The following ALPL variants were observed in gnomAD, a reference collection of about 807,000 sequenced individuals.
ALPL encodes alkaline phosphatase, biomineralization associated.
In ALPL, 42 loss-of-function variants were observed where a neutral mutation model predicts 51.3. That is an observed-to-expected ratio of 0.82 (90% CI 0.64 to 1.06). ALPL has a LOEUF of 1.06. Among genes scored for constraint, ALPL ranks in the 50% least tolerant of loss-of-function variants. The pLI is 0.00. For missense variants in ALPL, 589 were observed against 709.4 expected (o/e 0.83, Z 1.93); for synonymous variants, 279 against 296.4 (o/e 0.94, Z 0.60).
At chr1:21,576,115 G>A (rs983364989) in intron 10 of ALPL, among the ~76,000 whole-genome samples, 191 bp downstream of exon 10, 10 of 152,190 alleles carry the variant, frequency 6.6e-5, no homozygotes, top group African/African-American at 1.7e-4. Context: ...AGTGGTGGTC[G>A]GGTAGACAGG....
chr1:21,541,526 C>T (rs760658195), intron 1 of ALPL, among the ~76,000 whole-genome samples: 4 of 152,364 alleles, frequency 2.6e-5, no homozygotes, highest in Middle Eastern at 3.4e-3. Context: ...CGGCCTGTGC[C>T]GGCCTCTGCC....
At chr1:21,511,285 A>C (rs553491102) in intron 1 of ALPL, among the ~76,000 whole-genome samples, 2 of 152,364 alleles carry the variant, frequency 1.3e-5, no homozygotes, top group African/African-American at 2.4e-5. Context: ...TGGATTGGCC[A>C]ACCTTTGGCC....
At chr1:21,521,242 C>T (rs984974894) in intron 1 of ALPL, among the ~76,000 whole-genome samples, 7 of 151,826 alleles carry the variant, frequency 4.6e-5, no homozygotes, top group East Asian at 1.9e-4. Context: ...TGTAGTACAA[C>T]GGCGCGATCT....
chr1:21,576,981 T>C (rs774864481), intron 11 of ALPL, among the ~76,000 whole-genome samples: 10 of 152,190 alleles, frequency 6.6e-5, no homozygotes, highest in Non-Finnish European at 1.5e-4. Flanking sequence ...CAATATTTTA[T>C]ACTCATTTTT....
chr1:21,574,514 T>A (rs1420039622), intron 9 of ALPL: 1 of 147,542 alleles, frequency 6.8e-6, no homozygotes, highest in Non-Finnish European at 1.5e-5. Flanking sequence ...CATGTTGCCC[T>A]GCTAACATCG....
intron 7 of ALPL, among the ~76,000 whole-genome samples, chr1:21,569,679 A>C (rs1006351278): frequency 2.0e-5 from 3 of 152,130 alleles, no homozygotes; most frequent in Non-Finnish European, 2.9e-5. Flanking sequence ...AAGAGAAGGC[A>C]GGGGGTCTTC....
chr1:21,576,628 C>A lies in ALPL; in HGVS notation c.1296C>A (p.Ser432=), dbSNP rs1280807181. ...TGGGCGGTGAACGAGAGAATGTCTC[C>A]ATGGTGGACTATGGTGAGACCTCCA... ...KVVGGERENV[S]MVDYAHNNYQ... The change falls in exon 11 of 12, where the codon TCC becomes TCA. Residue 432 remains serine (S), a synonymous_variant. Coordinates refer to ENST00000374840, the MANE Select transcript of ALPL (RefSeq NM_000478.6). The A allele has an allele frequency of 6.2e-7, 1 of 1,613,682 alleles. No homozygotes were observed. Among genetic ancestry groups the A allele is most frequent in the Non-Finnish European group, 8.5e-7 (1 of 1,179,848 alleles).
intron 1 of ALPL, among the ~76,000 whole-genome samples, chr1:21,536,131 C>T (rs1379048554): frequency 6.6e-6 from 1 of 152,222 alleles, no homozygotes; most frequent in Non-Finnish European, 1.5e-5. Context: ...TGGACAACAA[C>T]CTGTCAGAAA....
chr1:21,541,275 C>T (rs1644180592), intron 1 of ALPL, among the ~76,000 whole-genome samples: 1 of 152,262 alleles, frequency 6.6e-6, no homozygotes, highest in Admixed American at 6.5e-5. Context: ...TACCACATCC[C>T]AGCCTCCGTT....
intron 1 of ALPL, among the ~76,000 whole-genome samples, chr1:21,524,766 C>T (rs1313791531): frequency 6.6e-6 from 1 of 152,186 alleles, no homozygotes; most frequent in Non-Finnish European, 1.5e-5. Context: ...GACTGTGTGA[C>T]ACTTGCTGGG....
intron 1 of ALPL, among the ~76,000 whole-genome samples, chr1:21,550,340 C>A (rs1375577123): frequency 6.6e-6 from 1 of 152,198 alleles, no homozygotes; most frequent in Non-Finnish European, 1.5e-5. Flanking sequence ...TTCTGCTCTG[C>A]AACTTCCTGT....
intron 1 of ALPL, among the ~76,000 whole-genome samples, chr1:21,518,463 G>A (rs988959596): frequency 5.9e-5 from 9 of 151,994 alleles, no homozygotes; most frequent in Non-Finnish European, 1.0e-4. Flanking sequence ...TCGGAGCTAC[G>A]ATTTGAATTC....
chr1:21,577,209 G>C (rs1320768654), intron 11 of ALPL, among the ~76,000 whole-genome samples, 174 bp from the exon 12 acceptor site: 3 of 152,230 alleles, frequency 2.0e-5, no homozygotes, highest in Admixed American at 2.0e-4. Flanking sequence ...TGTCAGAACA[G>C]GCTCAGGTTC....
intron 1 of ALPL, among the ~76,000 whole-genome samples, chr1:21,510,955 G>GATGT (rs1643674703): frequency 6.6e-6 from 1 of 152,222 alleles, no homozygotes; most frequent in African/African-American, 2.4e-5. Context: ...GTGAAGACTA[G>GATGT]GCTGAGTGAT....
intron 8 of ALPL, 146 bp from the exon 9 acceptor site, chr1:21,573,519 C>G (rs979922079): frequency 4.3e-6 from 4 of 932,976 alleles, no homozygotes; most frequent in Non-Finnish European, 6.6e-6. Context: ...CAAAAATCAC[C>G]CAGATAAGGA....
At position 21,577,414 on chromosome 1, in the gene ALPL, G is replaced by T; in HGVS notation, c.1341G>T (p.Val447=). ...ACAACTACCAGGCGCAGTCTGCTGTGCCCCTGCGCCACGAGACCCACGGCG... is the reference window on the plus strand; with the variant it reads ...ACAACTACCAGGCGCAGTCTGCTGTTCCCCTGCGCCACGAGACCCACGGCG... ...AHNNYQAQSA[V]PLRHETHGGE... The change falls in exon 12 of 12, where the codon GTG becomes GTT. Residue 447 remains valine, a synonymous_variant. Transcript: ENST00000374840. 6.2e-7 allele frequency: 1 copy of T among 1,613,250 alleles called. No homozygotes were observed. The highest frequency in any genetic ancestry group is 8.5e-7 in the Non-Finnish European group (1 of 1,179,962).
chr1:21,543,992 A>C (rs565769634), intron 1 of ALPL, among the ~76,000 whole-genome samples: 1 of 152,300 alleles, frequency 6.6e-6, no homozygotes, highest in East Asian at 1.9e-4. Context: ...AGCTTGGCAC[A>C]GGGGTGTCCC....
rs202047015 is a variant in ALPL at position 21,564,224 on chromosome 1, C to T, written c.648+8C>T. 5 of 1,613,214 alleles carry T rather than the reference C, an allele frequency of 3.1e-6. No individual in the cohort carries two copies. The South Asian group carries it at 4.4e-5, about 14-fold the overall frequency. On this transcript the variant is annotated splice_region_variant and intron_variant, in intron 6 of 11. Transcript: ENST00000374840. The surrounding 1 kb of genome is among the most constrained non-coding windows in gnomAD (Gnocchi z 5.8). ...AACATCAGGGACATTGACGTGAGTG[C>T]TCGGGGGCAGCCGGGCAGGGACGGG...
chr1:21,558,622 AGTGGGGACTGC>A (rs1451143341), intron 2 of ALPL, among the ~76,000 whole-genome samples: 2 of 152,204 alleles, frequency 1.3e-5, no homozygotes, highest in Non-Finnish European at 2.9e-5. Flanking sequence ...CCCAATTCCC[AGTGGGGACTGC>A]GTGGGGACAT....
Sources: gnomAD v4.1 joint callset for allele counts (sites outside exome capture counted in the v4.1 genomes callset) on GRCh38, gnomAD v4.1.1 for gene constraint, Gnocchi (gnomAD v3.1) non-coding constraint, MANE v1.5 for transcripts, NCBI Gene and HGNC (gene_info 2026-07-23, HGNC 2026-07-21) for gene names.